RNF13: variants seen among roughly 807,000 people sequenced by gnomAD.
RNF13 encodes ring finger protein 13, also known as E3 ubiquitin-protein ligase RNF13.
Under a neutral mutation model 37.7 loss-of-function variants are expected in RNF13, and 19 were observed. The ratio of observed to expected loss-of-function variants is 0.50; its 90% CI spans 0.35 to 0.74. The LOEUF (loss-of-function observed/expected upper bound fraction) is 0.74, where lower values mean the gene tolerates loss of function less well. Ranked by LOEUF, RNF13 falls within the 30% of genes least tolerant of loss-of-function variation. RNF13 has a pLI of 0.01. For synonymous variants in RNF13, 144 were observed against 157.8 expected, an observed-to-expected ratio of 0.91 and a Z score of 0.65; for missense variants, 375 against 453.0, an observed-to-expected ratio of 0.83 and a Z score of 1.56.
At chr3:149,858,860 A>C (rs1313679655) in intron 3 of RNF13, among the ~76,000 whole-genome samples, 1 of 152,198 alleles carries the variant, frequency 6.6e-6, no homozygotes, top group Non-Finnish European at 1.5e-5. Flanking sequence ...TTGAAAGTTA[A>C]TTTACCAGTT....
intron 1 of RNF13, among the ~76,000 whole-genome samples, chr3:149,837,830 C>T (rs535066065): frequency 0.018 from 2,718 of 152,150 alleles, 91 homozygotes; most frequent in African/African-American, 0.061. Context: ...TTCCAAAAGT[C>T]CCCCAAAGTC....
chr3:149,930,277 T>C (rs1161307233), intron 8 of RNF13, among the ~76,000 whole-genome samples: 1 of 152,216 alleles, frequency 6.6e-6, no homozygotes, highest in Non-Finnish European at 1.5e-5. Context: ...TTCATTGACT[T>C]TGTTACTTCA....
intron 1 of RNF13, among the ~76,000 whole-genome samples, chr3:149,818,637 GC>G (rs1719707274): frequency 6.6e-6 from 1 of 152,180 alleles, no homozygotes; most frequent in African/African-American, 2.4e-5. Flanking sequence ...ATCCGGCTGG[GC>G]ACTGTGGCTC....
At chr3:149,923,717 G>A (rs1718374166) in intron 8 of RNF13, among the ~76,000 whole-genome samples, 1 of 130,048 alleles carries the variant, frequency 7.7e-6, no homozygotes, top group East Asian at 2.3e-4. Context: ...AGTGAGCCGA[G>A]ATCACACGAC....
rs566452190 is a variant in RNF13 at position 149,953,626 on chromosome 3, C to T, written c.701-6430C>T. On this transcript the variant is annotated intron_variant, in intron 8 of 9. Coordinates refer to ENST00000392894, the MANE Select transcript of RNF13 (RefSeq NM_183381.3). The stretch of plus-strand genomic sequence containing the variant: ...TATTTAAATGTGACCAAAAATTCTA[C>T]ATACATAACCTAGGAGGCAATATAA... Among the ~76,000 whole-genome samples, 4 of 152,256 alleles carry T rather than the reference C, an allele frequency of 2.6e-5. No homozygotes were observed. In the South Asian group the frequency reaches 8.3e-4, roughly 32 times the overall value.
At chr3:149,908,132 TG>T in intron 6 of RNF13, among the ~76,000 whole-genome samples, 1 of 152,350 alleles carries the variant, frequency 6.6e-6, no homozygotes, top group Admixed American at 6.5e-5. Context: ...TTGTCAATTT[TG>T]GTCTTTTAAA....
intron 8 of RNF13, among the ~76,000 whole-genome samples, chr3:149,935,373 G>T (rs1283022603): frequency 6.6e-6 from 1 of 151,860 alleles, no homozygotes; most frequent in South Asian, 2.1e-4. Flanking sequence ...CATTTACATT[G>T]TTATTATTGA....
At chr3:149,887,374 A>G (rs1714167067) in intron 4 of RNF13, among the ~76,000 whole-genome samples, 1 of 152,182 alleles carries the variant, frequency 6.6e-6, no homozygotes, top group Non-Finnish European at 1.5e-5. Context: ...GTTCCATCCA[A>G]CAACAGATGT....
At chr3:149,817,244 G>C (rs1417467456) in intron 1 of RNF13, 1 of 152,188 alleles carries the variant, frequency 6.6e-6, no homozygotes, top group African/African-American at 2.4e-5. Flanking sequence ...TTACTCACAA[G>C]TACAGATTTC....
chr3:149,960,719 A>G, intron 9 of RNF13, 21 bp from the exon 10 acceptor site: 1 of 1,579,636 alleles, frequency 6.3e-7, no homozygotes, highest in Non-Finnish European at 8.6e-7. Context: ...CTAACTAAAG[A>G]TGTATATTTT....
intron 4 of RNF13, 134 bp downstream of exon 4, chr3:149,872,288 GAATAGA>G: frequency 1.6e-6 from 1 of 635,828 alleles, no homozygotes; most frequent in South Asian, 2.5e-5. Flanking sequence ...TGGATTCATA[GAATAGA>G]AATAATGTTT....
chr3:149,934,223 T>G (rs776762934), intron 8 of RNF13, among the ~76,000 whole-genome samples: 1 of 152,152 alleles, frequency 6.6e-6, no homozygotes, highest in Non-Finnish European at 1.5e-5. Context: ...GATTGTAATT[T>G]TTTTCATTTA....
At chr3:149,863,047 A>C (rs1344062173) in intron 3 of RNF13, among the ~76,000 whole-genome samples, 3 of 152,206 alleles carry the variant, frequency 2.0e-5, no homozygotes, top group Non-Finnish European at 4.4e-5. Flanking sequence ...AAGGTATTGT[A>C]ATTGTTCTCC....
rs1361052163 is a variant in RNF13, at chr3:149,875,181, T to C, written c.321+3027T>C. On this transcript the variant is annotated intron_variant, in intron 4 of 9. Coordinates refer to ENST00000392894, the MANE Select transcript of RNF13 (RefSeq NM_183381.3). ...CCATACATAATACTACAATTGATGGTAGTGCAGGGTTATATTTTGGCATGC... is the reference window on the plus strand; with the variant it reads ...CCATACATAATACTACAATTGATGGCAGTGCAGGGTTATATTTTGGCATGC... Among the ~76,000 whole-genome samples the C allele has an allele frequency of 2.0e-5, 3 of 152,264 alleles. 1 individual carries two copies. Among genetic ancestry groups the C allele is most frequent in the South Asian group, 4.1e-4 (2 of 4,832 alleles).
intron 4 of RNF13, among the ~76,000 whole-genome samples, chr3:149,891,832 A>G (rs1714738219): frequency 6.6e-6 from 1 of 152,344 alleles, no homozygotes; most frequent in East Asian, 1.9e-4. Flanking sequence ...AACTTTGCAA[A>G]TGCTTACTAA....
chr3:149,835,669 G>GTT (rs1385744202), intron 1 of RNF13, among the ~76,000 whole-genome samples: 2 of 120,328 alleles, frequency 1.7e-5, no homozygotes, highest in South Asian at 2.7e-4. Flanking sequence ...GTGTGTGTTT[G>GTT]TGTGTGTGTG....
intron 4 of RNF13, among the ~76,000 whole-genome samples, chr3:149,879,966 T>C (rs1161824011): frequency 1.3e-5 from 2 of 152,062 alleles, no homozygotes; most frequent in African/African-American, 2.4e-5. Context: ...TTCTTGGGAG[T>C]AGAGCTTATG....
chr3:149,947,405 T>G (rs977374585), intron 8 of RNF13, among the ~76,000 whole-genome samples: 3 of 151,264 alleles, frequency 2.0e-5, no homozygotes, highest in African/African-American at 7.3e-5. Flanking sequence ...CTTCTTTCAG[T>G]TCTTTTTTTT....
intron 8 of RNF13, among the ~76,000 whole-genome samples, chr3:149,928,004 CTTT>C (rs766839142): frequency 1.1e-4 from 12 of 111,198 alleles, no homozygotes; most frequent in Non-Finnish European, 1.9e-4. Context: ...AAGCAAAAAC[CTTT>C]TTTTTTTTTT....
Sources: allele counts gnomAD v4.1 joint callset (sites outside exome capture counted in the v4.1 genomes callset), GRCh38; gene constraint gnomAD v4.1.1; transcripts MANE v1.5; gene names NCBI Gene and HGNC (gene_info 2026-07-23, HGNC 2026-07-21).